BCL11A: variants seen among roughly 807,000 people sequenced by gnomAD.
BCL11A encodes the protein B cell CLL/lymphoma 11A.
Under a neutral mutation model 55.9 loss-of-function variants are expected in BCL11A, and 2 were observed. The observed-to-expected ratio is 0.04, with a 90% CI of 0.01 to 0.11. The LOEUF (loss-of-function observed/expected upper bound fraction) is 0.11. Among genes scored for constraint, BCL11A ranks in the 10% least tolerant of loss-of-function variants. The probability of loss-of-function intolerance (pLI) is 1.00; values close to 1 mark genes in which losing one functional copy is unlikely to be tolerated. For synonymous variants in BCL11A, 465 were observed against 473.4 expected (o/e 0.98, Z 0.23); for missense variants, 817 against 1,137.1 (o/e 0.72, Z 4.05).
At chr2:60,456,643 A>G (rs1003292955), downstream of BCL11A, among the ~76,000 whole-genome samples, 1 of 151,794 alleles carries the variant, frequency 6.6e-6, no homozygotes, top group Non-Finnish European at 1.5e-5. Flanking sequence ...TAAACAAAAC[A>G]AAACAAAACA....
chr2:60,513,389 T>C (rs11675774), intron 2 of BCL11A, among the ~76,000 whole-genome samples: 12,218 of 152,242 alleles, frequency 0.08, 677 homozygotes, highest in Middle Eastern at 0.14. Flanking sequence ...CTTCTGGAGA[T>C]GCTGCCTCCA....
intron 2 of BCL11A, among the ~76,000 whole-genome samples, chr2:60,518,697 A>G (rs938367848): frequency 3.9e-5 from 6 of 152,226 alleles, no homozygotes; most frequent in African/African-American, 1.2e-4. Flanking sequence ...CCTACTCATC[A>G]TCAGAGTTCA....
Position 60,461,353 on chromosome 2 carries a change from T to C in BCL11A, c.1559A>G (p.Glu520Gly). The C allele has an allele frequency of 2.5e-6, 4 of 1,604,842 alleles. No homozygotes were observed. Among genetic ancestry groups the C allele is most frequent in the Non-Finnish European group, 3.4e-6 (4 of 1,179,058 alleles). ...RVDYGFGLSL[E>G]AARHHENSSR... ...GCTGTTCTCGTGGTGGCGCGCCGCC[T>C]CCAGGCTCAGCCCGAAGCCGTAGTC... The change falls in exon 4 of 4, where the codon GAG becomes GGG. Residue 520 changes from glutamate (E) to glycine (G), a missense_variant. This residue lies in a region of BCL11A where 379 missense variants were observed against 425.3 expected (regional missense o/e 0.89). Coordinates refer to ENST00000642384, the MANE Select transcript of BCL11A (RefSeq NM_022893.4).
At chr2:60,534,120 A>G (rs1310128336) in intron 2 of BCL11A, 1 of 152,252 alleles carries the variant, frequency 6.6e-6, no homozygotes, top group Non-Finnish European at 1.5e-5. Flanking sequence ...CACCAAAATC[A>G]CAGGCTCTCA....
Position 60,462,042 on chromosome 2 carries a change from G to C in BCL11A, c.870C>G (p.Ala290=). ...ERLGAEEMAL[A]THHPSAFDRV... is the part of the protein sequence containing the mutation. ...TGTCAAAGGCACTCGGGTGATGGGT[G>C]GCCAGGGCCATCTCTTCCGCCCCCA... The change falls in exon 4 of 4, where the codon GCC becomes GCG. Residue 290 remains alanine, a synonymous_variant. Transcript: ENST00000642384. 6.2e-7 allele frequency: 1 copy of C among 1,607,192 alleles called. No individual in the cohort carries two copies. Among genetic ancestry groups the C allele is most frequent in the South Asian group, 1.1e-5 (1 of 90,188 alleles).
chr2:60,452,794 G>T, downstream of BCL11A: 1 of 682,454 alleles, frequency 1.5e-6, no homozygotes, highest in Non-Finnish European at 2.5e-6. Flanking sequence ...TCGAGCCACT[G>T]GCATCTTAAG....
chr2:60,459,766 A>G lies in BCL11A; in HGVS notation c.*638T>C, dbSNP rs1676130046. On this transcript the variant is annotated 3_prime_UTR_variant, in exon 4 of 4. Transcript: ENST00000642384. Reference sequence around the variant, plus strand: ...TCAAGGCCTTTTTTCTTCCTTTCCAATTGATACATTTAACCCTTTAGAGAC... The same window carrying G: ...TCAAGGCCTTTTTTCTTCCTTTCCAGTTGATACATTTAACCCTTTAGAGAC... 8 of 1,040,670 alleles carry G rather than the reference A, an allele frequency of 7.7e-6. No homozygotes were observed. The highest frequency in any genetic ancestry group is 9.2e-5 in the South Asian group (2 of 21,784). The allele number at this position is 1,040,670 out of a possible 1,614,324, so 64.5% of individuals were successfully genotyped here.
rs2287086 is a variant in BCL11A, at chr2:60,459,360, C to T, written c.*1044G>A. ...TTAATTGCGTTCCAGGGCTTTTGCA[C>T]ATTACACATTCAATTTAATCATTGT... On this transcript the variant is annotated 3_prime_UTR_variant, in exon 4 of 4. Transcript: ENST00000642384. 1.1e-5 allele frequency: 11 copies of T among 1,019,468 alleles called. No individual in the cohort carries two copies. The East Asian group carries it at 6.6e-4, about 61-fold the overall frequency. 63.2% of individuals were successfully genotyped at this position (1,019,468 alleles called of 1,614,324 possible).
intron 2 of BCL11A, chr2:60,526,878 G>A (rs1489165689): frequency 1.3e-5 from 2 of 152,206 alleles, no homozygotes; most frequent in Non-Finnish European, 2.9e-5. Flanking sequence ...TCTTAAGCGG[G>A]GAACTACTTA....
In BCL11A at chr2:60,457,238, G is replaced by A; in HGVS notation, c.*3166C>T. ...TTTTTTCAATAAAGGGACAAAATGG[G>A]TGTATGAACAGGTTAATGCAGACAA... On this transcript the variant is annotated 3_prime_UTR_variant, in exon 4 of 4. Transcript: ENST00000642384. 9.9e-7 allele frequency: 1 copy of A among 1,012,084 alleles called. No individual in the cohort carries two copies. Among genetic ancestry groups the A allele is most frequent in the Non-Finnish European group, 1.2e-6 (1 of 845,056 alleles). The allele number at this position is 1,012,084 out of a possible 1,614,324, so 62.7% of individuals were successfully genotyped here. A position where few individuals can be genotyped will look rare whatever the true frequency, so the allele number is the denominator to read the frequency against.
intron 2 of BCL11A, among the ~76,000 whole-genome samples, chr2:60,483,841 C>G (rs907435914): frequency 2.6e-5 from 4 of 151,930 alleles, no homozygotes; most frequent in African/African-American, 4.8e-5. Context: ...GTTGTTCTTT[C>G]TTTCTTCCTT....
intron 1 of BCL11A, among the ~76,000 whole-genome samples, chr2:60,551,756 C>T (rs892164906): frequency 8.6e-5 from 13 of 151,240 alleles, no homozygotes; most frequent in African/African-American, 3.1e-4. Flanking sequence ...GCGTGGCCTG[C>T]CGCCGTGCCT....
chr2:60,467,107 GGT>G (rs1676669446), intron 3 of BCL11A, among the ~76,000 whole-genome samples: 1 of 148,834 alleles, frequency 6.7e-6, no homozygotes. Context: ...TGATGGTGGT[GGT>G]AGTGGTGGTG....
chr2:60,510,031 G>A (rs1049195358), intron 2 of BCL11A, among the ~76,000 whole-genome samples: 1 of 151,996 alleles, frequency 6.6e-6, no homozygotes, highest in African/African-American at 2.4e-5. Context: ...TTTTCCCTTC[G>A]AAGTATGTCC....
intron 2 of BCL11A, among the ~76,000 whole-genome samples, chr2:60,471,087 C>T (rs1410168261): frequency 2.0e-5 from 3 of 152,154 alleles, no homozygotes; most frequent in Admixed American, 2.0e-4. Context: ...AGTACTTAAC[C>T]GTCTTGGGGG....
rs950633567 is a variant in BCL11A at position 60,457,658 on chromosome 2, T to A, written c.*2746A>T. 2.8e-5 allele frequency: 29 copies of A among 1,037,692 alleles called. No homozygotes were observed. The highest frequency in any genetic ancestry group is 3.2e-5 in the Non-Finnish European group (28 of 861,904). The allele number at this position is 1,037,692 out of a possible 1,614,324, so 64.3% of individuals were successfully genotyped here. On this transcript the variant is annotated 3_prime_UTR_variant, in exon 4 of 4. Transcript: ENST00000642384. ...TTTAGTTTTTGGCAATGAAAAAAAC[T>A]GCAAAACATTGGTTTTTTTTTTTTT...
In BCL11A at chr2:60,461,427, T is replaced by C. The variant is rs745625531; in HGVS notation, c.1485A>G (p.Glu495=). 1.0e-5 allele frequency: 16 copies of C among 1,603,990 alleles called. No individual in the cohort carries two copies. Among genetic ancestry groups the C allele is most frequent in the Admixed American group, 5.0e-5 (3 of 59,568 alleles). ...EEEEEDDEEE[E]EEEEEEEEEL... ...CCTCCTCCTCCTCTTCCTCCTCTTC[T>C]TCCTCTTCCTCGTCGTCCTCCTCTT... Residue 495 remains glutamate (E), a synonymous_variant, in exon 4 of 4, where the codon GAA becomes GAG. Coordinates refer to ENST00000642384, the MANE Select transcript of BCL11A (RefSeq NM_022893.4).
At chr2:60,490,232 CAG>C (rs1487753878) in intron 2 of BCL11A, among the ~76,000 whole-genome samples, 1 of 152,176 alleles carries the variant, frequency 6.6e-6, no homozygotes, top group Non-Finnish European at 1.5e-5. Context: ...AAGGGTATAA[CAG>C]AGAATTTCAA....
intron 2 of BCL11A, among the ~76,000 whole-genome samples, chr2:60,492,745 G>C (rs1056830160): frequency 6.6e-5 from 10 of 152,182 alleles, no homozygotes; most frequent in African/African-American, 2.2e-4. Context: ...GTCTTGAGGA[G>C]ACCCAAACAG....
Sources: allele counts gnomAD v4.1 joint callset (sites outside exome capture counted in the v4.1 genomes callset), GRCh38; gene constraint gnomAD v4.1.1; regional missense constraint gnomAD v4.1.1; transcripts MANE v1.5; gene names NCBI Gene and HGNC (gene_info 2026-07-23, HGNC 2026-07-21).